The following EXOC4 variants were observed in gnomAD, a reference collection of about 807,000 sequenced individuals.
The protein encoded by EXOC4 is exocyst complex component 4.
EXOC4 carries 71 observed loss-of-function variants against 107.2 expected under a neutral mutation model. The ratio of observed to expected loss-of-function variants is 0.66; its 90% confidence interval spans 0.55 to 0.81. The LOEUF is 0.81. EXOC4 is among the 30% of genes least tolerant of loss of function. EXOC4 has a pLI of 0.00. For missense variants in EXOC4, 1,108 were observed against 1,189.6 expected (o/e 0.93, Z 1.01); for synonymous variants, 456 against 441.2 (o/e 1.03, Z -0.42).
chr7:133,632,920 G>A (rs1040514197), intron 10 of EXOC4, among the ~76,000 whole-genome samples: 1 of 152,008 alleles, frequency 6.6e-6, no homozygotes, highest in Admixed American at 6.5e-5. Context: ...TAGCCTAATG[G>A]GAGAGGCAGT....
chr7:134,059,383 A>G (rs975255402), intron 17 of EXOC4, among the ~76,000 whole-genome samples: 6 of 152,170 alleles, frequency 3.9e-5, no homozygotes, highest in Admixed American at 3.3e-4. Context: ...GCTCTTAAAG[A>G]GAAGTCAGAA....
At chr7:133,440,138 G>C (rs1798072586) in intron 7 of EXOC4, among the ~76,000 whole-genome samples, 1 of 152,000 alleles carries the variant, frequency 6.6e-6, no homozygotes, top group African/African-American at 2.4e-5. Flanking sequence ...CCTTGCATAG[G>C]TAACATTAAC....
At chr7:133,501,061 A>G (rs1458461662) in intron 9 of EXOC4, among the ~76,000 whole-genome samples, 1 of 152,214 alleles carries the variant, frequency 6.6e-6, no homozygotes, top group Non-Finnish European at 1.5e-5. Context: ...ACATGTATGT[A>G]TATGTTCGTG....
chr7:133,714,022 A>G (rs955434771), intron 10 of EXOC4, among the ~76,000 whole-genome samples: 1 of 152,164 alleles, frequency 6.6e-6, no homozygotes, highest in African/African-American at 2.4e-5. Context: ...AATTTGGTCT[A>G]TACTGCTTGA....
At chr7:133,752,551 T>C (rs1312244213) in intron 10 of EXOC4, among the ~76,000 whole-genome samples, 1 of 152,206 alleles carries the variant, frequency 6.6e-6, no homozygotes, top group Non-Finnish European at 1.5e-5. Context: ...AACACCAGAA[T>C]GTCAGGAAGG....
At chr7:133,773,703 G>A (rs1796290736) in intron 10 of EXOC4, among the ~76,000 whole-genome samples, 1 of 151,916 alleles carries the variant, frequency 6.6e-6, no homozygotes, top group South Asian at 2.1e-4. Context: ...TGGATGCACT[G>A]GCACTTCTTT....
chr7:133,949,760 G>T (rs922225852), intron 14 of EXOC4, among the ~76,000 whole-genome samples: 1 of 116,092 alleles, frequency 8.6e-6, no homozygotes, highest in Admixed American at 1.0e-4. Flanking sequence ...TTGCTAAGCT[G>T]ATGGCACTTC....
intron 7 of EXOC4, among the ~76,000 whole-genome samples, chr7:133,434,035 A>G (rs1797911651): frequency 6.6e-6 from 1 of 152,218 alleles, no homozygotes; most frequent in Non-Finnish European, 1.5e-5. Context: ...TTTTATCTTA[A>G]GAAATAAACA....
rs569253928 is a variant in EXOC4, at chr7:133,671,428, G to T, written c.1514+41287G>T. Among the ~76,000 whole-genome samples, 195 of 152,230 alleles carry T rather than the reference G, an allele frequency of 1.3e-3. 1 individual carries two copies. Among genetic ancestry groups the T allele is most frequent in the African/African-American group, 4.4e-3 (182 of 41,542 alleles). ...AAAAATACAAAAATTAGCTGGGCGT[G>T]TGTTGGTGGGTGCCTGTAATCCCAG... On this transcript the variant is annotated intron_variant, in intron 10 of 17. Transcript: ENST00000253861.
intron 10 of EXOC4, among the ~76,000 whole-genome samples, chr7:133,747,520 T>C (rs754783836): frequency 7.9e-5 from 12 of 152,116 alleles, no homozygotes; most frequent in Non-Finnish European, 1.6e-4. Flanking sequence ...ACTAATATTA[T>C]AGTATATAGT....
intron 1 of EXOC4, among the ~76,000 whole-genome samples, chr7:133,272,763 G>A (rs1793902058): frequency 6.6e-6 from 1 of 152,070 alleles, no homozygotes; most frequent in Non-Finnish European, 1.5e-5. Flanking sequence ...AAAATAGGAG[G>A]CAGAACCCCC....
rs61285791 is a variant in EXOC4, at chr7:133,535,954, A to C, written c.1417+55816A>C. On this transcript the variant is annotated intron_variant, in intron 9 of 17. Coordinates refer to ENST00000253861, the MANE Select transcript of EXOC4 (RefSeq NM_021807.4). ...AACACATTTGTTTCTTTTGTCTTTT[A>C]TGACAGTCTGAGTTTTAAAACTTTG... is the stretch of plus-strand genomic sequence containing the variant. Among the ~76,000 whole-genome samples the C allele has an allele frequency of 3.9e-3, 588 of 152,292 alleles. 4 individuals carry two copies. The highest frequency in any genetic ancestry group is 0.013 in the African/African-American group (551 of 41,568).
intron 9 of EXOC4, among the ~76,000 whole-genome samples, chr7:133,509,731 A>G (rs1265678943): frequency 6.6e-6 from 1 of 152,040 alleles, no homozygotes; most frequent in Non-Finnish European, 1.5e-5. Context: ...GTTTATTTGG[A>G]TTTTCTGTTA....
intron 7 of EXOC4, among the ~76,000 whole-genome samples, chr7:133,442,418 A>C (rs973101107): frequency 2.6e-5 from 4 of 152,132 alleles, no homozygotes; most frequent in African/African-American, 4.8e-5. Flanking sequence ...GGAGATTTAA[A>C]GCTGAAAAAG....
rs1309953503 is a variant in EXOC4 at position 133,827,102 on chromosome 7, G to C, written c.1734+9558G>C. 2.0e-5 allele frequency among the ~76,000 whole-genome samples: 3 copies of C among 152,294 alleles called. No homozygotes were observed. The East Asian group carries it at 5.8e-4, about 29-fold the overall frequency. On this transcript the variant is annotated intron_variant, in intron 11 of 17. Coordinates refer to ENST00000253861, the MANE Select transcript of EXOC4 (RefSeq NM_021807.4). ...TCAAAAGAGTATTTATTTTCTAAAA[G>C]TACTCATCCACACATTTCCTTCACA... is the stretch of plus-strand genomic sequence containing the variant.
chr7:133,332,796 C>T (rs1243910191), intron 5 of EXOC4, among the ~76,000 whole-genome samples: 1 of 151,896 alleles, frequency 6.6e-6, no homozygotes, highest in African/African-American at 2.4e-5. Context: ...ATGGTAGAGG[C>T]AATAGTGTGA....
chr7:133,629,917 T>C (rs1477138187), intron 9 of EXOC4, 128 bp from the exon 10 acceptor site: 1 of 639,044 alleles, frequency 1.6e-6, no homozygotes, highest in East Asian at 2.6e-5. Flanking sequence ...ATTTCGTACA[T>C]ACCGAAGGTT....
intron 14 of EXOC4, among the ~76,000 whole-genome samples, chr7:133,971,334 G>GTATA (rs1206467959): frequency 0.11 from 4,641 of 41,258 alleles, 327 homozygotes; most frequent in East Asian, 0.15. Flanking sequence ...GGGAAAATGT[G>GTATA]TATATATATA....
At chr7:133,568,412 G>A (rs1482799797) in intron 9 of EXOC4, among the ~76,000 whole-genome samples, 1 of 152,052 alleles carries the variant, frequency 6.6e-6, no homozygotes, top group Admixed American at 6.6e-5. Context: ...TTGTGACACA[G>A]TTATAAAAGA....
Sources: allele counts gnomAD v4.1 joint callset (sites outside exome capture counted in the v4.1 genomes callset), GRCh38; gene constraint gnomAD v4.1.1; transcripts MANE v1.5; gene names NCBI Gene and HGNC (gene_info 2026-07-23, HGNC 2026-07-21).